Variants in TECR observed in about 807,000 individuals in gnomAD.
The protein encoded by TECR is trans-2,3-enoyl-CoA reductase.
TECR carries 19 observed loss-of-function variants against 50.6 expected under a neutral mutation model. The ratio of observed to expected loss-of-function variants is 0.38; its 90% CI spans 0.26 to 0.55. The LOEUF (loss-of-function observed/expected upper bound fraction) is 0.55, where lower values mean the gene tolerates loss of function less well. TECR is among the 20% of genes least tolerant of loss of function. The pLI is 0.79. For synonymous variants in TECR, 168 were observed against 163.5 expected (o/e 1.03, Z -0.21); for missense variants, 313 against 408.3 (o/e 0.77, Z 2.01).
intron 1 of TECR, among the ~76,000 whole-genome samples, chr19:14,559,741 C>G (rs991923237): frequency 3.3e-5 from 5 of 151,364 alleles, no homozygotes; most frequent in Admixed American, 3.3e-4. Flanking sequence ...GAGTCAAGAT[C>G]GCACTGCTGC....
At chr19:14,549,902 C>G (rs2073435579) in intron 1 of TECR, among the ~76,000 whole-genome samples, 1 of 151,708 alleles carries the variant, frequency 6.6e-6, no homozygotes. Context: ...GAGATTGTGC[C>G]ACTGCGCTCC....
At chr19:14,547,349 T>G (rs1162817161) in intron 1 of TECR, among the ~76,000 whole-genome samples, 1 of 101,066 alleles carries the variant, frequency 9.9e-6, no homozygotes. Flanking sequence ...TGGCCTATTT[T>G]ATTTTATTTT....
At chr19:14,564,882 C>A in intron 8 of TECR, 24 bp downstream of exon 8, 1 of 1,614,036 alleles carries the variant, frequency 6.2e-7, no homozygotes, top group East Asian at 2.2e-5. Context: ...GACCATCCTT[C>A]CCTCCCCCAC....
chr19:14,553,013 G>A (rs1252684924), intron 1 of TECR, among the ~76,000 whole-genome samples: 2 of 152,114 alleles, frequency 1.3e-5, no homozygotes, highest in East Asian at 3.9e-4. Context: ...GATGGGTGTA[G>A]GCTGTGGGTA....
intron 1 of TECR, among the ~76,000 whole-genome samples, chr19:14,545,515 G>T (rs559189970): frequency 7.9e-5 from 12 of 152,238 alleles, no homozygotes; most frequent in Admixed American, 4.6e-4. Context: ...AGGGGGTGGG[G>T]GGGATAGCCT....
At chr19:14,542,989 CTT>C (rs572624462) in intron 1 of TECR, among the ~76,000 whole-genome samples, 12 of 102,182 alleles carry the variant, frequency 1.2e-4, no homozygotes, top group Admixed American at 1.3e-4. Context: ...CTTCCAAATT[CTT>C]TTTTTTTTTT....
At chr19:14,550,420 A>T (rs2073458249) in intron 1 of TECR, among the ~76,000 whole-genome samples, 1 of 152,044 alleles carries the variant, frequency 6.6e-6, no homozygotes, top group African/African-American at 2.4e-5. Context: ...GTTGGCCCGG[A>T]TGAGCTCCTC....
At chr19:14,550,051 A>G (rs901832169) in intron 1 of TECR, among the ~76,000 whole-genome samples, 4 of 151,908 alleles carry the variant, frequency 2.6e-5, no homozygotes, top group Admixed American at 1.3e-4. Context: ...CTTTGAACAT[A>G]TTACATATAG....
intron 1 of TECR, among the ~76,000 whole-genome samples, chr19:14,542,524 G>C (rs2073140759): frequency 6.6e-6 from 1 of 151,350 alleles, no homozygotes; most frequent in African/African-American, 2.4e-5. Context: ...ACCACTCCCG[G>C]CTAATTTTTT....
intron 1 of TECR, chr19:14,545,828 G>A (rs1350662403): frequency 6.5e-6 from 1 of 152,970 alleles, no homozygotes; most frequent in African/African-American, 2.4e-5. Flanking sequence ...GGGCTGTGTG[G>A]GTTCCCTGGC....
At position 14,563,087 on chromosome 19, in the gene TECR, C is replaced by T. The variant is rs1461000964; in HGVS notation, c.67-119C>T. The T allele has an allele frequency of 1.3e-5, 16 of 1,199,904 alleles. No homozygotes were observed. Among genetic ancestry groups the T allele is most frequent in the Non-Finnish European group, 1.8e-5 (15 of 830,158 alleles). 74.3% of individuals were successfully genotyped at this position (1,199,904 alleles called of 1,614,324 possible). ...CTGCAGGCAGAGGCCTGGACCCCAGCCCTTCCCCCTTCCCATAGCTACAGC... is the reference window on the plus strand; with the variant it reads ...CTGCAGGCAGAGGCCTGGACCCCAGTCCTTCCCCCTTCCCATAGCTACAGC... On this transcript the variant is annotated intron_variant, in intron 2 of 12. Transcript: ENST00000215567. The surrounding 1 kb of genome is among the most constrained non-coding windows in gnomAD (Gnocchi z 5.3).
At chr19:14,530,056 G>T in intron 1 of TECR, 6 of 429,498 alleles carry the variant, frequency 1.4e-5, no homozygotes, top group South Asian at 1.3e-4. Context: ...CTCCCAATCC[G>T]AGGGAGTCTT....
chr19:14,543,164 A>G (rs1468374453), intron 1 of TECR, among the ~76,000 whole-genome samples: 1 of 150,258 alleles, frequency 6.7e-6, no homozygotes, highest in East Asian at 2.0e-4. Flanking sequence ...CTGAGCCTCC[A>G]GGCTCCTTGT....
At chr19:14,543,632 G>A (rs1380458354) in intron 1 of TECR, among the ~76,000 whole-genome samples, 3 of 149,258 alleles carry the variant, frequency 2.0e-5, no homozygotes, top group Non-Finnish European at 4.5e-5. Context: ...TAGAGACGGG[G>A]TTTCACCGTG....
rs1010508370 is a variant in TECR at position 14,564,164 on chromosome 19, C to T, written c.384-18C>T. On this transcript the variant is annotated intron_variant, in intron 6 of 12. Transcript: ENST00000215567. Reference sequence around the variant, plus strand: ...ACCTGCCGGACCAGCCCCAGCTGAGCCTGCTCCCCCCGACCAGCCTCGCCT... The same window carrying T: ...ACCTGCCGGACCAGCCCCAGCTGAGTCTGCTCCCCCCGACCAGCCTCGCCT... 6.2e-7 allele frequency: 1 copy of T among 1,605,698 alleles called. No homozygotes were observed. Among genetic ancestry groups the T allele is most frequent in the Non-Finnish European group, 8.5e-7 (1 of 1,179,176 alleles).
At chr19:14,534,210 C>T (rs901716035) in intron 1 of TECR, among the ~76,000 whole-genome samples, 4 of 151,662 alleles carry the variant, frequency 2.6e-5, no homozygotes, top group Admixed American at 2.0e-4. Context: ...CTGTAAGCTC[C>T]GCCTCCCGGG....
At chr19:14,527,907 T>C (rs1244213588), upstream of TECR, 1 of 152,252 alleles carries the variant, frequency 6.6e-6, no homozygotes, top group Non-Finnish European at 1.5e-5. Context: ...TCTTTTTTTT[T>C]TGAGACAGAA....
chr19:14,546,390 C>T (rs1296743784), intron 1 of TECR, among the ~76,000 whole-genome samples: 2 of 152,028 alleles, frequency 1.3e-5, no homozygotes, highest in Admixed American at 6.6e-5. Flanking sequence ...AGTTCAAGAC[C>T]AGCCTGGTCA....
At position 14,563,072 on chromosome 19, in the gene TECR, A is replaced by C; in HGVS notation, c.67-134A>C. ...GTGGTCCTTCCCTGACTGCAGGCAG[A>C]GGCCTGGACCCCAGCCCTTCCCCCT... is the stretch of plus-strand genomic sequence containing the variant. On this transcript the variant is annotated intron_variant, in intron 2 of 12. Coordinates refer to ENST00000215567, the MANE Select transcript of TECR (RefSeq NM_138501.6). This position sits in a 1 kb window ranked among gnomAD's most constrained non-coding sequence, Gnocchi z 5.3. 2.7e-6 allele frequency: 3 copies of C among 1,121,732 alleles called. No individual in the cohort carries two copies. The highest frequency in any genetic ancestry group is 3.9e-6 in the Non-Finnish European group (3 of 771,132). The allele number at this position is 1,121,732 out of a possible 1,614,324, so 69.5% of individuals were successfully genotyped here.
Sources: allele counts gnomAD v4.1 joint callset (sites outside exome capture counted in the v4.1 genomes callset), GRCh38; gene constraint gnomAD v4.1.1; non-coding constraint Gnocchi (gnomAD v3.1); transcripts MANE v1.5; gene names NCBI Gene and HGNC (gene_info 2026-07-23, HGNC 2026-07-21).